Variants in ERC2 observed in about 807,000 individuals in gnomAD.
The protein encoded by ERC2 is ELKS/RAB6-interacting/CAST family member 2.
In ERC2, 42 loss-of-function variants were observed where a neutral mutation model predicts 114.8. The ratio of observed to expected loss-of-function variants is 0.37; its 90% confidence interval spans 0.29 to 0.47. The LOEUF is 0.47. ERC2 is among the 20% of genes least tolerant of loss of function. The pLI, the probability that ERC2 is intolerant of heterozygous loss-of-function variation, is 0.99. For synonymous variants in ERC2, 454 were observed against 425.5 expected, an observed-to-expected ratio of 1.07 and a Z score of -0.82; for missense variants, 939 against 1,150.7, an observed-to-expected ratio of 0.82 and a Z score of 2.66.
chr3:56,104,346 T>A (rs967638713), intron 6 of ERC2, among the ~76,000 whole-genome samples: 9 of 152,204 alleles, frequency 5.9e-5, no homozygotes, highest in Non-Finnish European at 1.2e-4. Flanking sequence ...CCCTACATTA[T>A]CACATCACAG....
intron 15 of ERC2, among the ~76,000 whole-genome samples, chr3:55,706,748 T>C (rs1435952280): frequency 6.6e-6 from 1 of 152,164 alleles, no homozygotes; most frequent in Non-Finnish European, 1.5e-5. Flanking sequence ...GCTAAAACCC[T>C]AATCATAGTT....
chr3:56,025,186 C>A (rs1189449012), intron 7 of ERC2, among the ~76,000 whole-genome samples: 1 of 152,184 alleles, frequency 6.6e-6, no homozygotes, highest in Non-Finnish European at 1.5e-5. Flanking sequence ...CAAGGATGCT[C>A]CTTGAGTGGA....
At chr3:55,660,354 C>T (rs951971873) in intron 17 of ERC2, among the ~76,000 whole-genome samples, 10 of 152,144 alleles carry the variant, frequency 6.6e-5, no homozygotes, top group Non-Finnish European at 1.5e-4. Context: ...AATTGAGTGC[C>T]TGGTGCAGGG....
At chr3:55,584,087 C>T (rs113956189) in intron 17 of ERC2, among the ~76,000 whole-genome samples, 26 of 152,244 alleles carry the variant, frequency 1.7e-4, no homozygotes, top group Non-Finnish European at 2.9e-4. Context: ...TTGAATAGTA[C>T]CTGGCACAAG....
At chr3:55,840,633 T>C (rs186287185) in intron 14 of ERC2, among the ~76,000 whole-genome samples, 3 of 152,138 alleles carry the variant, frequency 2.0e-5, no homozygotes, top group Non-Finnish European at 4.4e-5. Flanking sequence ...CTCAGGTATT[T>C]ACACAAAAGT....
At chr3:55,757,989 G>A (rs991751168) in intron 14 of ERC2, among the ~76,000 whole-genome samples, 7 of 151,590 alleles carry the variant, frequency 4.6e-5, no homozygotes, top group African/African-American at 9.7e-5. Context: ...TTCAAATAAC[G>A]ATAGAGCCCA....
chr3:55,684,320 A>G (rs1306935462), intron 16 of ERC2, among the ~76,000 whole-genome samples: 3 of 142,686 alleles, frequency 2.1e-5, no homozygotes, highest in East Asian at 4.7e-4. Context: ...ACACACACAC[A>G]CGCACACACA....
At chr3:56,440,491 T>C (rs904055191) in intron 1 of ERC2, among the ~76,000 whole-genome samples, 5 of 146,176 alleles carry the variant, frequency 3.4e-5, no homozygotes, top group Admixed American at 7.0e-5. Context: ...GAGCTTGCAG[T>C]GAGCCAAGAT....
chr3:56,105,767 G>A (rs2078620780), intron 6 of ERC2, among the ~76,000 whole-genome samples: 1 of 152,232 alleles, frequency 6.6e-6, no homozygotes, highest in Non-Finnish European at 1.5e-5. Flanking sequence ...CCCTCAGTGA[G>A]GAGGATGAAC....
intron 8 of ERC2, among the ~76,000 whole-genome samples, chr3:56,016,135 A>T (rs2073290284): frequency 1.3e-5 from 2 of 151,956 alleles, no homozygotes; most frequent in African/African-American, 4.8e-5. Flanking sequence ...GATTGCAAAA[A>T]TTTTCTCCCA....
chr3:56,450,868 A>G (rs1267911928), intron 1 of ERC2, among the ~76,000 whole-genome samples: 1 of 152,212 alleles, frequency 6.6e-6, no homozygotes, highest in Admixed American at 6.5e-5. Context: ...GCAAAATCCC[A>G]AACAATAAAC....
chr3:55,939,079 A>G (rs1367140488), intron 13 of ERC2, among the ~76,000 whole-genome samples: 1 of 152,230 alleles, frequency 6.6e-6, no homozygotes, highest in Admixed American at 6.5e-5. Flanking sequence ...ACATTTTTCA[A>G]TTTGCTTCAT....
At chr3:56,379,997 T>C (rs1390954525) in intron 2 of ERC2, among the ~76,000 whole-genome samples, 5 of 152,166 alleles carry the variant, frequency 3.3e-5, no homozygotes, top group Non-Finnish European at 7.3e-5. Flanking sequence ...TTGTAGGAGC[T>C]GTCCTGTGCA....
chr3:56,196,912 C>T (rs1041268613), intron 3 of ERC2, among the ~76,000 whole-genome samples: 1 of 152,122 alleles, frequency 6.6e-6, no homozygotes, highest in Non-Finnish European at 1.5e-5. Flanking sequence ...GGGAATAACA[C>T]TGCTAATCCC....
intron 13 of ERC2, among the ~76,000 whole-genome samples, chr3:55,921,250 T>C (rs1484927033): frequency 6.6e-6 from 1 of 152,114 alleles, no homozygotes; most frequent in Non-Finnish European, 1.5e-5. Flanking sequence ...AATAAAAATA[T>C]ATCCATAAAA....
chr3:55,546,837 A>C (rs1177051722), intron 17 of ERC2, among the ~76,000 whole-genome samples: 2 of 152,214 alleles, frequency 1.3e-5, no homozygotes, highest in African/African-American at 2.4e-5. Flanking sequence ...CTTATGTGGG[A>C]AACGAGGAGT....
intron 13 of ERC2, among the ~76,000 whole-genome samples, chr3:55,901,677 T>C (rs2064144882): frequency 6.6e-6 from 1 of 152,186 alleles, no homozygotes. Flanking sequence ...GTCCCTTTCT[T>C]AAAGTCAACT....
intron 17 of ERC2, among the ~76,000 whole-genome samples, chr3:55,512,241 G>C (rs2052133243): frequency 6.6e-6 from 1 of 152,206 alleles, no homozygotes; most frequent in Non-Finnish European, 1.5e-5. Flanking sequence ...TCGTTAAGTA[G>C]TGCAAATGAA....
intron 14 of ERC2, among the ~76,000 whole-genome samples, chr3:55,796,784 A>G (rs1471428994): frequency 6.6e-6 from 1 of 152,212 alleles, no homozygotes; most frequent in African/African-American, 2.4e-5. Context: ...ATTTGTTTAT[A>G]AATTGTCTCT....
Sources: allele counts gnomAD v4.1 joint callset (sites outside exome capture counted in the v4.1 genomes callset), GRCh38; gene constraint gnomAD v4.1.1; transcripts MANE v1.5; gene names NCBI Gene and HGNC (gene_info 2026-07-23, HGNC 2026-07-21).